The following RASSF2 variants were observed in gnomAD, a reference collection of about 807,000 sequenced individuals.
RASSF2 encodes ras association domain-containing protein 2.
Under a neutral mutation model 46.3 loss-of-function variants are expected in RASSF2, and 34 were observed. The observed-to-expected ratio is 0.73, with a 90% CI of 0.56 to 0.98. The LOEUF (loss-of-function observed/expected upper bound fraction) is 0.98. RASSF2 is among the 50% of genes least tolerant of loss of function. The pLI, the probability that RASSF2 is intolerant of heterozygous loss-of-function variation, is 0.00. For missense variants in RASSF2, 364 were observed against 431.2 expected, an observed-to-expected ratio of 0.84 and a Z score of 1.38; for synonymous variants, 158 against 162.5, an observed-to-expected ratio of 0.97 and a Z score of 0.21.
chr20:4,799,270 A>T (rs901946074), intron 3 of RASSF2, among the ~76,000 whole-genome samples: 2 of 152,214 alleles, frequency 1.3e-5, no homozygotes, highest in Non-Finnish European at 1.5e-5. Context: ...GTACAGCTCT[A>T]CTGCACGTGG....
chr20:4,789,474 C>T (rs981330405), intron 8 of RASSF2, 122 bp downstream of exon 8: 27 of 738,822 alleles, frequency 3.7e-5, no homozygotes, highest in Non-Finnish European at 5.2e-5. Flanking sequence ...TCTAAAGAAC[C>T]GAAGCCCTCT....
intron 8 of RASSF2, 107 bp from the exon 9 acceptor site, chr20:4,788,375 T>C: frequency 1.0e-6 from 1 of 999,164 alleles, no homozygotes. Flanking sequence ...TTTTAGGCTG[T>C]TTTGAGGGGA....
chr20:4,786,322 G>C lies in RASSF2; in HGVS notation c.820C>G (p.Gln274Glu). 6.2e-7 allele frequency: 1 copy of C among 1,603,214 alleles called. No individual in the cohort carries two copies. Among genetic ancestry groups the C allele is most frequent in the Non-Finnish European group, 8.5e-7 (1 of 1,170,158 alleles). ...ACCGGCATCTCGAACTTTATATACT[G>C]GGCCACCTAGAGAGAAAGAAGCAAG... Reference protein sequence around the residue: ...QVEEVTYDVAQYIKFEMPVLK... With the variant: ...QVEEVTYDVAEYIKFEMPVLK... The change falls in exon 11 of 12, where the codon CAG becomes GAG. Residue 274 changes from glutamine (Q) to glutamate (E), a missense_variant. Transcript: ENST00000379400.
chr20:4,811,569 G>T (rs1176201773), intron 2 of RASSF2, among the ~76,000 whole-genome samples: 1 of 152,128 alleles, frequency 6.6e-6, no homozygotes, highest in Admixed American at 6.5e-5. Context: ...CTTCAAGAAA[G>T]GAAGGGGTGG....
chr20:4,789,862 G>A (rs1208544918), intron 7 of RASSF2, among the ~76,000 whole-genome samples, 165 bp from the exon 8 acceptor site: 1 of 152,094 alleles, frequency 6.6e-6, no homozygotes, highest in African/African-American at 2.4e-5. Flanking sequence ...CAACCCTCGG[G>A]GTTTGCATAA....
intron 6 of RASSF2, among the ~76,000 whole-genome samples, chr20:4,791,947 G>C (rs992933049): frequency 2.6e-5 from 4 of 152,110 alleles, no homozygotes; most frequent in Non-Finnish European, 5.9e-5. Context: ...GTATAACTAG[G>C]GGAAGAAAAG....
chr20:4,788,942 G>T (rs1251427796), intron 8 of RASSF2, among the ~76,000 whole-genome samples: 1 of 152,152 alleles, frequency 6.6e-6, no homozygotes, highest in African/African-American at 2.4e-5. Flanking sequence ...AGAGGCAGGG[G>T]CAGGTTAAGT....
intron 4 of RASSF2, among the ~76,000 whole-genome samples, chr20:4,797,405 G>A (rs745449256): frequency 4.6e-5 from 7 of 152,120 alleles, no homozygotes; most frequent in Non-Finnish European, 8.8e-5. Context: ...AGTCACAGGC[G>A]CTTGAGTATA....
intron 2 of RASSF2, among the ~76,000 whole-genome samples, chr20:4,810,820 C>T (rs1927726101): frequency 1.3e-5 from 2 of 152,190 alleles, no homozygotes; most frequent in Non-Finnish European, 2.9e-5. Context: ...GCCCCAGTCT[C>T]TGAGACAGGC....
intron 1 of RASSF2, among the ~76,000 whole-genome samples, chr20:4,822,839 G>C (rs1169616453): frequency 6.6e-6 from 1 of 152,146 alleles, no homozygotes; most frequent in Non-Finnish European, 1.5e-5. Context: ...CCTAGAAGAC[G>C]GCGGCGGACT....
chr20:4,818,740 T>G (rs944388331), intron 2 of RASSF2, among the ~76,000 whole-genome samples: 1 of 152,140 alleles, frequency 6.6e-6, no homozygotes, highest in African/African-American at 2.4e-5. Flanking sequence ...TCACCTAACC[T>G]AAGAGCAGCC....
chr20:4,790,716 T>C lies in RASSF2; in HGVS notation c.377-105A>G, dbSNP rs2122467875. 2.6e-6 allele frequency: 2 copies of C among 771,010 alleles called. No homozygotes were observed. The highest frequency in any genetic ancestry group is 2.9e-5 in the South Asian group (1 of 34,124). The allele number at this position is 771,010 out of a possible 1,614,324, so 47.8% of individuals were successfully genotyped here. On this transcript the variant is annotated intron_variant, in intron 6 of 11. Transcript: ENST00000379400. The surrounding 1 kb of genome is among the most constrained non-coding windows in gnomAD (Gnocchi z 4.3). ...ACAGCACCCACTGTCTCCACAAATATATATTTTATACAAATAATATTTTCT... is the reference window on the plus strand; with the variant it reads ...ACAGCACCCACTGTCTCCACAAATACATATTTTATACAAATAATATTTTCT...
rs541372201 is a variant in RASSF2 at position 4,785,905 on chromosome 20, G to A, written c.911+326C>T. Among the ~76,000 whole-genome samples, 20 of 152,228 alleles carry A rather than the reference G, an allele frequency of 1.3e-4. No homozygotes were observed. The South Asian group carries it at 2.1e-3, about 16-fold the overall frequency. On this transcript the variant is annotated intron_variant, in intron 11 of 11. Coordinates refer to ENST00000379400, the MANE Select transcript of RASSF2 (RefSeq NM_014737.3). ...CTGATCGTATACTTAAGAAACCAGC[G>A]TACAGTCACCTTCCCTATTTCTGCA...
intron 2 of RASSF2, among the ~76,000 whole-genome samples, chr20:4,807,525 A>G (rs4815745): frequency 0.58 from 88,508 of 152,028 alleles, 26,031 homozygotes; most frequent in East Asian, 0.64. Flanking sequence ...AAAACTCAAT[A>G]CAAGTAATTA....
At chr20:4,793,910 G>A (rs551369014) in intron 5 of RASSF2, among the ~76,000 whole-genome samples, 25 of 152,286 alleles carry the variant, frequency 1.6e-4, no homozygotes, top group East Asian at 3.9e-4. Context: ...GCTTGATGCC[G>A]CAGAGAAGGG....
chr20:4,797,914 C>A (rs1926483440), intron 4 of RASSF2, 96 bp downstream of exon 4: 7 of 1,541,276 alleles, frequency 4.5e-6, no homozygotes, highest in Non-Finnish European at 6.1e-6. Context: ...GCAGGAGAGG[C>A]AGGGTTCTCT....
chr20:4,786,105 C>T lies in RASSF2; in HGVS notation c.911+126G>A, dbSNP rs1328264237. ...AAATCCAGGTTTGTCAATGGGCAGC[C>T]CTCCAAAGAAAGCCGAGACTCAGGC... On this transcript the variant is annotated intron_variant, in intron 11 of 11. Transcript: ENST00000379400. 1.2e-5 allele frequency: 9 copies of T among 757,164 alleles called. No homozygotes were observed. The East Asian group carries it at 2.0e-4, about 16-fold the overall frequency. 46.9% of individuals were successfully genotyped at this position (757,164 alleles called of 1,614,324 possible).
chr20:4,802,505 G>A (rs1926957613), intron 2 of RASSF2, among the ~76,000 whole-genome samples: 1 of 152,194 alleles, frequency 6.6e-6, no homozygotes, highest in Non-Finnish European at 1.5e-5. Flanking sequence ...AAAAAGGAAG[G>A]AAAGGCTGGC....
At chr20:4,810,387 C>T (rs959379255) in intron 2 of RASSF2, among the ~76,000 whole-genome samples, 5 of 152,214 alleles carry the variant, frequency 3.3e-5, no homozygotes, top group Admixed American at 1.3e-4. Flanking sequence ...GTTCTCAAGA[C>T]GCTCTAGGAG....
Sources: allele counts gnomAD v4.1 joint callset (sites outside exome capture counted in the v4.1 genomes callset), GRCh38; gene constraint gnomAD v4.1.1; non-coding constraint Gnocchi (gnomAD v3.1); transcripts MANE v1.5; gene names NCBI Gene and HGNC (gene_info 2026-07-23, HGNC 2026-07-21).